IL1RAPL2: variants seen among roughly 807,000 people sequenced by gnomAD.
IL1RAPL2 encodes X-linked interleukin-1 receptor accessory protein-like 2.
In IL1RAPL2, 3 loss-of-function variants were observed where a neutral mutation model predicts 44.1. That is an observed-to-expected ratio of 0.07 (90% CI 0.03 to 0.18). The LOEUF is 0.18. IL1RAPL2 is among the 10% of genes least tolerant of loss of function. The probability of loss-of-function intolerance (pLI) is 1.00; values close to 1 mark genes in which losing one functional copy is unlikely to be tolerated. For synonymous variants in IL1RAPL2, 181 were observed against 178.8 expected (o/e 1.01, Z -0.10); for missense variants, 391 against 496.4 (o/e 0.79, Z 2.02).
intron 1 of IL1RAPL2, among the ~76,000 whole-genome samples, chrX:104,595,532 A>G (rs993889352): frequency 1.7e-4 from 19 of 111,681 alleles, no homozygotes; most frequent in African/African-American, 5.5e-4. Flanking sequence ...ATGTATTTAA[A>G]TTTTGCAAGT....
intron 5 of IL1RAPL2, among the ~76,000 whole-genome samples, chrX:105,308,341 A>G (rs924528041): frequency 3.6e-4 from 40 of 112,420 alleles, no homozygotes; most frequent in African/African-American, 1.3e-3. Context: ...ATATGTGTTT[A>G]CAGTTTATTT....
chrX:104,685,794 G>T (rs963752711), intron 2 of IL1RAPL2, among the ~76,000 whole-genome samples: 4 of 110,209 alleles, frequency 3.6e-5, no homozygotes, highest in Non-Finnish European at 5.7e-5. Context: ...CAGGCGTGGT[G>T]GTGGGCGCTT....
rs1011566193 is a variant in IL1RAPL2, at chrX:105,412,339, T to C, written c.698-71974T>C. Reference sequence around the variant, plus strand: ...ATATATATATATATATATATATATATACAATGGAATACTATTCAGCCATAA... The same window carrying C: ...ATATATATATATATATATATATATACACAATGGAATACTATTCAGCCATAA... On this transcript the variant is annotated intron_variant, in intron 5 of 10. Transcript: ENST00000372582. Among the ~76,000 whole-genome samples the C allele has an allele frequency of 4.8e-4, 46 of 95,131 alleles. No homozygotes were observed. In the East Asian group the frequency reaches 5.5e-3, roughly 11 times the overall value. 82.6% of individuals were successfully genotyped at this position (95,131 alleles called of 115,157 possible).
intron 2 of IL1RAPL2, among the ~76,000 whole-genome samples, chrX:105,104,891 C>T (rs1010099930): frequency 8.9e-6 from 1 of 111,915 alleles, no homozygotes; most frequent in African/African-American, 3.2e-5. Flanking sequence ...CAAGGATAGA[C>T]CCTGTCACTC....
intron 3 of IL1RAPL2, among the ~76,000 whole-genome samples, chrX:105,225,958 G>T (rs781837396): frequency 9.0e-6 from 1 of 111,533 alleles, no homozygotes; most frequent in Non-Finnish European, 1.9e-5. Context: ...GATTACAGGC[G>T]TGAGCCCCCG....
intron 5 of IL1RAPL2, among the ~76,000 whole-genome samples, chrX:105,407,671 T>A (rs1238936294): frequency 2.7e-5 from 3 of 111,626 alleles, no homozygotes. Context: ...TAAATTAAAG[T>A]AATATCCAGT....
intron 2 of IL1RAPL2, among the ~76,000 whole-genome samples, chrX:104,688,721 G>T (rs1185398191): frequency 8.9e-6 from 1 of 111,848 alleles, no homozygotes; most frequent in African/African-American, 3.2e-5. Context: ...ATTATATTCA[G>T]CACTGATTGG....
intron 2 of IL1RAPL2, among the ~76,000 whole-genome samples, chrX:105,094,973 T>G (rs1347017839): frequency 9.0e-6 from 1 of 111,705 alleles, no homozygotes; most frequent in African/African-American, 3.2e-5. Flanking sequence ...CATTTTCAGA[T>G]CCTTGGATGC....
intron 1 of IL1RAPL2, among the ~76,000 whole-genome samples, chrX:104,635,767 A>G (rs1181762119): frequency 4.5e-5 from 5 of 110,022 alleles, no homozygotes; most frequent in Admixed American, 9.7e-5. Flanking sequence ...AAGGTTTTTA[A>G]CTTCTTTGCC....
chrX:104,702,295 A>G (rs1931289046), intron 2 of IL1RAPL2, among the ~76,000 whole-genome samples: 1 of 111,972 alleles, frequency 8.9e-6, no homozygotes, highest in African/African-American at 3.2e-5. Context: ...CAGAAGGTGA[A>G]CAGTAAATAA....
At chrX:104,927,312 C>CT (rs1924796668) in intron 2 of IL1RAPL2, among the ~76,000 whole-genome samples, 1 of 111,534 alleles carries the variant, frequency 9.0e-6, no homozygotes, top group African/African-American at 3.3e-5. Context: ...CCAGTGGTAT[C>CT]TTTTTTTCAA....
intron 6 of IL1RAPL2, among the ~76,000 whole-genome samples, chrX:105,629,808 C>T (rs1351658119): frequency 9.0e-6 from 1 of 111,292 alleles, no homozygotes; most frequent in Non-Finnish European, 1.9e-5. Context: ...TAGATAATGC[C>T]CAAATGATGT....
intron 6 of IL1RAPL2, among the ~76,000 whole-genome samples, chrX:105,628,069 G>T (rs186029257): frequency 8.9e-6 from 1 of 111,851 alleles, no homozygotes; most frequent in African/African-American, 3.2e-5. Flanking sequence ...TATTCTCCAG[G>T]TGCTAAGTGT....
chrX:105,537,842 CTACAATCCTATCTT>C (rs1203497805), intron 6 of IL1RAPL2, among the ~76,000 whole-genome samples: 2 of 110,383 alleles, frequency 1.8e-5, no homozygotes, highest in Admixed American at 9.7e-5. Flanking sequence ...GTCCTCAAAT[CTACAATCCTATCTT>C]TATCTGCATA....
chrX:104,952,415 G>A (rs1252033392), intron 2 of IL1RAPL2, among the ~76,000 whole-genome samples: 2 of 111,996 alleles, frequency 1.8e-5, no homozygotes, highest in East Asian at 5.6e-4. Context: ...TTTCTTGATA[G>A]ATAAAAGAGA....
chrX:105,194,127 G>T (rs1269060464), intron 2 of IL1RAPL2, among the ~76,000 whole-genome samples: 1 of 112,045 alleles, frequency 8.9e-6, no homozygotes, highest in Non-Finnish European at 1.9e-5. Context: ...TCTTCCCCCT[G>T]GGTGTCCTTG....
At chrX:104,724,675 A>G (rs186832277) in intron 2 of IL1RAPL2, among the ~76,000 whole-genome samples, 14 of 111,734 alleles carry the variant, frequency 1.3e-4, no homozygotes, top group East Asian at 2.8e-4. Flanking sequence ...GATCATCTAT[A>G]AAGGAGCAGC....
intron 6 of IL1RAPL2, among the ~76,000 whole-genome samples, chrX:105,654,006 A>C (rs777353888): frequency 9.0e-6 from 1 of 110,538 alleles, no homozygotes; most frequent in South Asian, 3.8e-4. Context: ...CACACCCTTT[A>C]TGTTAGAGAA....
In IL1RAPL2 at chrX:104,676,389, G is replaced by A. The variant is rs761793260; in HGVS notation, c.82+17394G>A. On this transcript the variant is annotated intron_variant, in intron 2 of 10. Transcript: ENST00000372582. Reference sequence around the variant, plus strand: ...AGTTTGGCTGGATATGAAATTCTGGGTTGAAAATTCTTTTCTTTAAGAATG... The same window carrying A: ...AGTTTGGCTGGATATGAAATTCTGGATTGAAAATTCTTTTCTTTAAGAATG... Among the ~76,000 whole-genome samples the A allele has an allele frequency of 8.1e-5, 9 of 111,389 alleles. No individual in the cohort carries two copies. In the East Asian group the frequency reaches 2.6e-3, roughly 32 times the overall value.
Sources: allele counts gnomAD v4.1 joint callset (sites outside exome capture counted in the v4.1 genomes callset), GRCh38; gene constraint gnomAD v4.1.1; transcripts MANE v1.5; gene names NCBI Gene and HGNC (gene_info 2026-07-23, HGNC 2026-07-21).